Variants in ABCA1 observed in about 807,000 individuals in gnomAD.
The protein encoded by ABCA1 is ATP binding cassette subfamily A member 1, also known as phospholipid-transporting ATPase ABCA1.
Under a neutral mutation model 262.5 loss-of-function variants are expected in ABCA1, and 133 were observed. That is an observed-to-expected ratio of 0.51 (90% CI 0.44 to 0.59). The LOEUF (loss-of-function observed/expected upper bound fraction) is 0.59, where lower values mean the gene tolerates loss of function less well. Among genes scored for constraint, ABCA1 ranks in the 20% least tolerant of loss-of-function variants. The pLI is 0.00. For missense variants in ABCA1, 2,452 were observed against 2,777.5 expected (o/e 0.88, Z 2.63); for synonymous variants, 1,022 against 1,043.5 (o/e 0.98, Z 0.40).
At chr9:104,799,167 A>G (rs1430021546) in intron 36 of ABCA1, among the ~76,000 whole-genome samples, 3 of 152,168 alleles carry the variant, frequency 2.0e-5, no homozygotes, top group Non-Finnish European at 2.9e-5. Context: ...CTATATTAGT[A>G]TCCTGTAGGA....
intron 42 of ABCA1, 27 bp downstream of exon 42, chr9:104,792,759 G>T: frequency 6.2e-7 from 1 of 1,613,892 alleles, no homozygotes; most frequent in South Asian, 1.1e-5. Context: ...AACTGAAGAT[G>T]AGCTATTGTA....
rs13306072 is a variant in ABCA1, at chr9:104,819,667, C to T, written c.3160G>A (p.Val1054Ile). The change falls in exon 22 of 50, where the codon GTC becomes ATC. Residue 1054 changes from valine to isoleucine, a missense_variant. Around this residue, in one of 4 missense-constraint regions of ABCA1, gnomAD observed 665 missense variants for 727.3 expected, o/e 0.91. Transcript: ENST00000374736. ...CCAGCTGTGGGTTCATCCAGAATGA[C>T]AACCTTAGATCCCCCGACAAAGGCC... ...ALAFVGGSKV[V>I]ILDEPTAGVD... The T allele has an allele frequency of 5.0e-6, 8 of 1,614,092 alleles. No homozygotes were observed. The East Asian group carries it at 1.6e-4, about 31-fold the overall frequency.
chr9:104,794,478 G>A lies in ABCA1; in HGVS notation c.5415C>T (p.Ser1805=), dbSNP rs770114079. 67 of 1,501,194 alleles carry A rather than the reference G, an allele frequency of 4.5e-5. No homozygotes were observed. The highest frequency in any genetic ancestry group is 8.8e-5 in the Admixed American group (5 of 57,078). 93.0% of individuals were successfully genotyped at this position (1,501,194 alleles called of 1,614,324 possible). ...AAAAATGTGGGAAGATCAAGAACAC[G>A]GACTTCAGGATATCATTGATATTAT... ...KLNNINDILK[S]VFLIFPHFCL... The change falls in exon 40 of 50, where the codon TCC becomes TCT. Residue 1805 remains serine (S), a synonymous_variant. Coordinates refer to ENST00000374736, the MANE Select transcript of ABCA1 (RefSeq NM_005502.4).
intron 7 of ABCA1, among the ~76,000 whole-genome samples, chr9:104,854,477 C>T (rs1036174702): frequency 3.3e-5 from 5 of 152,102 alleles, no homozygotes; most frequent in Admixed American, 1.3e-4. Context: ...AAAGTACAAT[C>T]GGAAGCAAAT....
intron 8 of ABCA1, among the ~76,000 whole-genome samples, chr9:104,841,811 G>A (rs917197720): frequency 6.6e-5 from 10 of 152,216 alleles, no homozygotes; most frequent in Non-Finnish European, 1.5e-4. Flanking sequence ...CCCAGGCAGC[G>A]TTCTGTCTTA....
rs1218474858 is a variant in ABCA1 at position 104,783,116 on chromosome 9, T to G, written c.*1199A>C. On this transcript the variant is annotated 3_prime_UTR_variant, in exon 50 of 50. Transcript: ENST00000374736. ...ATGTCATGAGATCCTGACCATCACA[T>G]TGCTTTCTAGGCACTAGTCATGACT... 1 of 152,308 alleles carries G rather than the reference T, an allele frequency of 6.6e-6. No homozygotes were observed. The highest frequency in any genetic ancestry group is 1.5e-5 in the Non-Finnish European group (1 of 68,026). The allele number at this position is 152,308 out of a possible 1,614,324, so 9.4% of individuals were successfully genotyped here.
chr9:104,792,756 G>T (rs761656489), intron 42 of ABCA1, 30 bp downstream of exon 42: 1 of 1,613,906 alleles, frequency 6.2e-7, no homozygotes, highest in Admixed American at 1.7e-5. Context: ...AAAAACTGAA[G>T]ATGAGCTATT....
intron 5 of ABCA1, among the ~76,000 whole-genome samples, chr9:104,882,035 A>AAAAAAAAAAAAAAAAAAAAAC (rs1838708245): frequency 1.2e-5 from 1 of 83,228 alleles, no homozygotes; most frequent in Non-Finnish European, 2.9e-5. Flanking sequence ...CCTTAAAAAA[A>AAAAAAAAAAAAAAAAAAAAAC]AAAAAAAAAA....
At chr9:104,862,932 G>C (rs1281333205) in intron 5 of ABCA1, among the ~76,000 whole-genome samples, 2 of 151,016 alleles carry the variant, frequency 1.3e-5, no homozygotes, top group African/African-American at 4.9e-5. Context: ...GTGATACAAA[G>C]CTCCAAAACC....
intron 34 of ABCA1, 151 bp downstream of exon 34, chr9:104,801,903 G>A (rs530712300): frequency 3.9e-6 from 3 of 764,248 alleles, no homozygotes; most frequent in South Asian, 3.1e-5. Context: ...AGTTTTGTCT[G>A]GCTCAAATCG....
chr9:104,845,592 G>A (rs186101041), intron 7 of ABCA1, 23 bp from the exon 8 acceptor site: 1 of 1,503,450 alleles, frequency 6.7e-7, no homozygotes, highest in Non-Finnish European at 9.3e-7. Context: ...AGAAAACTTT[G>A]TTTCTGAATT....
chr9:104,833,383 T>C (rs943168602), intron 11 of ABCA1, among the ~76,000 whole-genome samples: 5 of 152,100 alleles, frequency 3.3e-5, no homozygotes, highest in Non-Finnish European at 5.9e-5. Context: ...AGTCTTGCCA[T>C]GTTGCCTGGG....
At chr9:104,899,123 T>C (rs1312911366) in intron 2 of ABCA1, among the ~76,000 whole-genome samples, 1 of 152,232 alleles carries the variant, frequency 6.6e-6, no homozygotes, top group African/African-American at 2.4e-5. Flanking sequence ...TGTCTATTTG[T>C]TTTAACTTTC....
intron 3 of ABCA1, among the ~76,000 whole-genome samples, chr9:104,885,699 A>C (rs2740495): frequency 6.6e-6 from 1 of 152,180 alleles, no homozygotes; most frequent in Non-Finnish European, 1.5e-5. Flanking sequence ...TTGCGGCCGT[A>C]ATACATGGAT....
chr9:104,923,797 T>C (rs113232777), intron 1 of ABCA1, among the ~76,000 whole-genome samples: 2,315 of 152,326 alleles, frequency 0.015, 31 homozygotes, highest in Non-Finnish European at 0.023. Flanking sequence ...CCCAGCACTT[T>C]GGGAGGCTGA....
chr9:104,812,804 C>T lies in ABCA1; in HGVS notation c.3902-82G>A, dbSNP rs1831394756. The T allele has an allele frequency of 5.2e-6, 8 of 1,547,824 alleles. No individual in the cohort carries two copies. In the South Asian group the frequency reaches 8.9e-5, roughly 17 times the overall value. On this transcript the variant is annotated intron_variant, in intron 27 of 49. Coordinates refer to ENST00000374736, the MANE Select transcript of ABCA1 (RefSeq NM_005502.4). ...ATGCTCCTTCTTCTGGTGTCTTCAA[C>T]AACTATCTTGAAGGCATGTGTCTGA... is the stretch of plus-strand genomic sequence containing the variant.
At chr9:104,815,452 T>C (rs550724766) in intron 25 of ABCA1, among the ~76,000 whole-genome samples, 1 of 152,296 alleles carries the variant, frequency 6.6e-6, no homozygotes, top group Non-Finnish European at 1.5e-5. Context: ...AGGTCTGTGA[T>C]GTTGTATCTC....
chr9:104,786,005 C>A (rs988329112), intron 48 of ABCA1, among the ~76,000 whole-genome samples: 1 of 152,140 alleles, frequency 6.6e-6, no homozygotes, highest in Non-Finnish European at 1.5e-5. Context: ...CTCACCAGTA[C>A]TGGCACATGT....
At chr9:104,793,005 T>C (rs975946339) in intron 41 of ABCA1, 99 bp from the exon 42 acceptor site, 2 of 1,598,010 alleles carry the variant, frequency 1.3e-6, no homozygotes, top group Non-Finnish European at 8.6e-7. Context: ...TGCCACAGTC[T>C]CCAGGATGGG....
Sources: allele counts gnomAD v4.1 joint callset (sites outside exome capture counted in the v4.1 genomes callset), GRCh38; gene constraint gnomAD v4.1.1; regional missense constraint gnomAD v4.1.1; transcripts MANE v1.5; gene names NCBI Gene and HGNC (gene_info 2026-07-23, HGNC 2026-07-21).